RIIAD1: variants seen among roughly 807,000 people sequenced by gnomAD.
RIIAD1 encodes regulatory subunit of type II PKA R-subunit domain containing 1, also known as RIIa domain-containing protein 1.
RIIAD1 carries 15 observed loss-of-function variants against 13.3 expected under a neutral mutation model. That is an observed-to-expected ratio of 1.13 (90% CI 0.76 to 1.74). RIIAD1 has a LOEUF of 1.74. Among genes scored for constraint, RIIAD1 ranks in the 40% most tolerant of loss-of-function variants. The pLI, the probability that RIIAD1 is intolerant of heterozygous loss-of-function variation, is 0.00. For synonymous variants in RIIAD1, 50 were observed against 43.3 expected, an observed-to-expected ratio of 1.16 and a Z score of -0.61; for missense variants, 121 against 112.2, an observed-to-expected ratio of 1.08 and a Z score of -0.35.
chr1:151,726,857 A>G (rs529013204), intron 2 of RIIAD1, among the ~76,000 whole-genome samples: 6 of 152,012 alleles, frequency 3.9e-5, no homozygotes, highest in Non-Finnish European at 8.8e-5. Flanking sequence ...TGTTTATTGT[A>G]TCTCCCTCTG....
chr1:151,719,782 T>C (rs945613784), upstream of RIIAD1: 6 of 627,600 alleles, frequency 9.6e-6, no homozygotes, highest in African/African-American at 9.2e-5. Flanking sequence ...ATTTGGGTCA[T>C]AGGATGTGAT....
upstream of RIIAD1, among the ~76,000 whole-genome samples, chr1:151,717,993 C>A (rs1673615511): frequency 6.6e-6 from 1 of 152,064 alleles, no homozygotes; most frequent in Admixed American, 6.5e-5. Context: ...TGCTCAGCAA[C>A]GGGGGCTCTC....
upstream of RIIAD1, chr1:151,719,643 T>C (rs1348289471): frequency 2.8e-6 from 2 of 702,898 alleles, no homozygotes; most frequent in Non-Finnish European, 5.2e-6. Flanking sequence ...AAAGAATTGA[T>C]TCTATAACCT....
chr1:151,720,643 C>G (rs1673720279), upstream of RIIAD1, among the ~76,000 whole-genome samples: 1 of 152,222 alleles, frequency 6.6e-6, no homozygotes, highest in African/African-American at 2.4e-5. Flanking sequence ...TATTTTCTTG[C>G]TCCTTAGGGC....
At chr1:151,714,544 A>T (rs1417708266) in intron 4 of RIIAD1, 3 of 1,406,086 alleles carry the variant, frequency 2.1e-6, no homozygotes, top group Non-Finnish European at 3.0e-6. Flanking sequence ...GCCTCCTGCC[A>T]CTTCTATGGC....
intron 4 of RIIAD1, chr1:151,714,576 G>A (rs1485889398): frequency 1.9e-6 from 3 of 1,547,662 alleles, no homozygotes; most frequent in Non-Finnish European, 2.6e-6. Flanking sequence ...CCCTGGCCCT[G>A]CAAAGGGCAG....
At chr1:151,722,029 G>A in intron 1 of RIIAD1, 57 bp from the exon 2 acceptor site, 1 of 1,280,168 alleles carries the variant, frequency 7.8e-7, no homozygotes, top group Middle Eastern at 1.8e-4. Flanking sequence ...CACATCTCCA[G>A]GGCTGAACCC....
At chr1:151,714,382 A>C (rs1477546306) in intron 3 of RIIAD1, 1 of 628,906 alleles carries the variant, frequency 1.6e-6, no homozygotes, top group Admixed American at 2.5e-5. Context: ...GGTAAAAGTC[A>C]TGTTTACGCC....
At position 151,721,608 on chromosome 1, in the gene RIIAD1, G is replaced by A; in HGVS notation, c.72G>A (p.Leu24=). ...TTAGCGCAGCGCAGCTGGAGCAGCT[G>A]CGAAAATTCAAGGTGGGTGCGCCCG... is the stretch of plus-strand genomic sequence containing the variant. The part of the protein sequence containing the change: ...GALSAAQLEQ[L]RKFKIQTRIA... Residue 24 remains leucine, a synonymous_variant, in exon 1 of 5, where the codon CTG becomes CTA. Transcript: ENST00000479191. 1 of 1,300,390 alleles carries A rather than the reference G, an allele frequency of 7.7e-7. No homozygotes were observed. Among genetic ancestry groups the A allele is most frequent in the South Asian group, 2.2e-5 (1 of 46,250 alleles). The allele number at this position is 1,300,390 out of a possible 1,614,324, so 80.6% of individuals were successfully genotyped here. A position where few individuals can be genotyped will look rare whatever the true frequency, so the allele number is the denominator to read the frequency against.
intron 4 of RIIAD1, chr1:151,715,768 C>G (rs2044398024): frequency 6.3e-7 from 1 of 1,596,874 alleles, no homozygotes; most frequent in Non-Finnish European, 8.5e-7. Context: ...CTGAACTCTT[C>G]TCCTTCCACA....
rs752420125 is a variant in RIIAD1, at chr1:151,727,639, G to A, written c.208+18G>A. 4.6e-6 allele frequency: 7 copies of A among 1,532,826 alleles called. No homozygotes were observed. In the South Asian group the frequency reaches 4.8e-5, roughly 10 times the overall value. The allele number at this position is 1,532,826 out of a possible 1,614,324, so 95.0% of individuals were successfully genotyped here. On this transcript the variant is annotated intron_variant, in intron 3 of 4. Coordinates refer to ENST00000479191, the MANE Select transcript of RIIAD1 (RefSeq NM_001144956.3). ...TGCTGCAGGTGAGTAAGGCAGCGTCGGTTTTGGGTATCTGACAAAGCCAGC... is the reference window on the plus strand; with the variant it reads ...TGCTGCAGGTGAGTAAGGCAGCGTCAGTTTTGGGTATCTGACAAAGCCAGC...
chr1:151,729,026 T>A (rs1248007622), intron 4 of RIIAD1, 133 bp downstream of exon 4: 1 of 593,250 alleles, frequency 1.7e-6, no homozygotes, highest in Non-Finnish European at 3.0e-6. Flanking sequence ...GTTTAGTTTT[T>A]CCTCTACTGT....
At chr1:151,724,132 T>C (rs1571949094) in intron 2 of RIIAD1, among the ~76,000 whole-genome samples, 1 of 152,218 alleles carries the variant, frequency 6.6e-6, no homozygotes, top group Admixed American at 6.5e-5. Flanking sequence ...ATTCTCTCTT[T>C]GTCCAGGAAC....
upstream of RIIAD1, among the ~76,000 whole-genome samples, chr1:151,717,009 C>T (rs1014162801): frequency 6.6e-6 from 1 of 152,110 alleles, no homozygotes; most frequent in Non-Finnish European, 1.5e-5. Flanking sequence ...AACCCTTCCC[C>T]CATCTTACTC....
rs1647245002 is a variant in RIIAD1, at chr1:151,728,821, CAAG to C, written c.267_269del (p.Lys90del). 6.5e-7 allele frequency: 1 copy of C among 1,541,132 alleles called. No homozygotes were observed. The highest frequency in any genetic ancestry group is 8.8e-7 in the Non-Finnish European group (1 of 1,137,520). On this transcript the variant is annotated inframe_deletion, in exon 4 of 5. Coordinates refer to ENST00000479191, the MANE Select transcript of RIIAD1 (RefSeq NM_001144956.3). Reference sequence around the variant, plus strand: ...AGATTCACATGCAGCTAATTAAAGACAAGAAAGCGGCTTAATTAGCAAAATCAT... The same window carrying C: ...AGATTCACATGCAGCTAATTAAAGACAAAGCGGCTTAATTAGCAAAATCAT...
Position 151,726,067 on chromosome 1 carries a change from C to G in RIIAD1, c.162-1508C>G, listed in dbSNP as rs892535631. ...AGTCTATAGAACACAAACTGTTTCT[C>G]TTTCTGGGCCTTTGCTCTTGCTGTT... On this transcript the variant is annotated intron_variant, in intron 2 of 4. Coordinates refer to ENST00000479191, the MANE Select transcript of RIIAD1 (RefSeq NM_001144956.3). Among the ~76,000 whole-genome samples, 41 of 152,198 alleles carry G rather than the reference C, an allele frequency of 2.7e-4. 1 individual carries two copies. Among genetic ancestry groups the G allele is most frequent in the Non-Finnish European group, 1.5e-5 (1 of 68,028 alleles).
rs1397063232 is a variant in RIIAD1, at chr1:151,714,604, G to A, written c.21+75G>A. ...AAGGGCAGGACTCACCCCTGGAAGC[G>A]TCTTCTGTTCGTGCAGGGCGCTCTG... On this transcript the variant is annotated intron_variant, in intron 4 of 8. Coordinates refer to the RIIAD1 transcript ENST00000326413. 9.0e-6 allele frequency: 14 copies of A among 1,555,954 alleles called. No homozygotes were observed. Among genetic ancestry groups the A allele is most frequent in the African/African-American group, 2.7e-5 (2 of 73,264 alleles).
At chr1:151,721,506 C>T (rs762013638), upstream of RIIAD1, 184 of 1,281,628 alleles carry the variant, frequency 1.4e-4, no homozygotes, top group East Asian at 5.7e-4. Context: ...CTCGCCGGCT[C>T]GCGGCCGGTC....
At chr1:151,724,493 C>CAGA (rs1390586716) in intron 2 of RIIAD1, among the ~76,000 whole-genome samples, 152 of 152,314 alleles carry the variant, frequency 1.0e-3, no homozygotes, top group African/African-American at 3.6e-3. Flanking sequence ...GAGTCCTGAG[C>CAGA]ACCGTGCCTG....
Sources: gnomAD v4.1 joint callset for allele counts (sites outside exome capture counted in the v4.1 genomes callset) on GRCh38, gnomAD v4.1.1 for gene constraint, MANE v1.5 for transcripts, NCBI Gene and HGNC (gene_info 2026-07-23, HGNC 2026-07-21) for gene names.